The following OXNAD1 variants were observed in gnomAD, a reference collection of about 807,000 sequenced individuals.
OXNAD1 encodes the protein oxidoreductase NAD-binding domain-containing protein 1.
Under a neutral mutation model 32.9 loss-of-function variants are expected in OXNAD1, and 34 were observed. The ratio of observed to expected loss-of-function variants is 1.03; its 90% CI spans 0.79 to 1.38. The LOEUF (loss-of-function observed/expected upper bound fraction) is 1.38, where lower values mean the gene tolerates loss of function less well. Among genes scored for constraint, OXNAD1 ranks in the 40% most tolerant of loss-of-function variants. OXNAD1 has a pLI of 0.00. For synonymous variants in OXNAD1, 134 were observed against 135.2 expected (o/e 0.99, Z 0.06); for missense variants, 407 against 379.4 (o/e 1.07, Z -0.60).
At chr3:16,286,281 C>T (rs914392913) in intron 4 of OXNAD1, 61 bp from the exon 5 acceptor site, 2 of 1,296,434 alleles carry the variant, frequency 1.5e-6, no homozygotes, top group South Asian at 1.2e-5. Context: ...CAGGATGCCA[C>T]CATTTGTCCC....
downstream of OXNAD1, among the ~76,000 whole-genome samples, chr3:16,340,634 T>G (rs2071256535): frequency 6.6e-6 from 1 of 152,250 alleles, no homozygotes; most frequent in Non-Finnish European, 1.5e-5. Context: ...TTAATGGAGA[T>G]GAGTGTTTCT....
Position 16,299,676 on chromosome 3 carries a change from G to C in OXNAD1, c.433-1950G>C, listed in dbSNP as rs2067039575. On this transcript the variant is annotated intron_variant, in intron 6 of 8. Coordinates refer to ENST00000285083, the MANE Select transcript of OXNAD1 (RefSeq NM_138381.5). The surrounding 1 kb of genome is among the most constrained non-coding windows in gnomAD (Gnocchi z 4.4). ...CTACTGCTCACCTGACATGCAAGGT[G>C]CCAAGGTGTGAATGCTAAGGGTTTG... Among the ~76,000 whole-genome samples, 1 of 152,194 alleles carries C rather than the reference G, an allele frequency of 6.6e-6. No individual in the cohort carries two copies. Among genetic ancestry groups the C allele is most frequent in the African/African-American group, 2.4e-5 (1 of 41,446 alleles).
chr3:16,317,127 T>C lies in OXNAD1; in HGVS notation c.*30+13535T>C. 6.2e-7 allele frequency: 1 copy of C among 1,613,842 alleles called. No homozygotes were observed. Among genetic ancestry groups the C allele is most frequent in the Admixed American group, 1.7e-5 (1 of 59,982 alleles). ...GCTTTGGAAGACTGGTCTTCTAAGT[T>C]CTTCTCATTTTCTTCTGCTTGTTGT... On this transcript the variant is annotated intron_variant, in intron 9 of 9. Coordinates refer to the OXNAD1 transcript ENST00000435829. This position sits in a 1 kb window ranked among gnomAD's most constrained non-coding sequence, Gnocchi z 4.3.
At chr3:16,315,335 C>T (rs543642827) in intron 9 of OXNAD1, among the ~76,000 whole-genome samples, 18 of 152,136 alleles carry the variant, frequency 1.2e-4, no homozygotes, top group African/African-American at 3.6e-4. Context: ...AGGCTGGTCT[C>T]GAACTCCTGA....
At position 16,294,846 on chromosome 3, in the gene OXNAD1, T is replaced by G; in HGVS notation, c.291-10T>G. The G allele has an allele frequency of 6.2e-7, 1 of 1,601,884 alleles. No individual in the cohort carries two copies. On this transcript the variant is annotated splice_polypyrimidine_tract_variant and intron_variant, in intron 5 of 8. Coordinates refer to ENST00000285083, the MANE Select transcript of OXNAD1 (RefSeq NM_138381.5). ...TTCAACAATAATCATTTATTTGGCT[T>G]TCTTTTTAGGGTTGATTTCTTTATT...
rs1007579489 is a variant in OXNAD1, at chr3:16,320,357, G to A, written c.*31-16755G>A. ...AGAAGACTAAATATGCCACATCCTC[G>A]GTGTGCCAATCTTGCAGTTTCTTTT... On this transcript the variant is annotated intron_variant, in intron 9 of 9. Transcript: ENST00000435829. The surrounding 1 kb of genome is among the most constrained non-coding windows in gnomAD (Gnocchi z 4.5). Among the ~76,000 whole-genome samples, 1 of 152,148 alleles carries A rather than the reference G, an allele frequency of 6.6e-6. No individual in the cohort carries two copies. The highest frequency in any genetic ancestry group is 1.5e-5 in the Non-Finnish European group (1 of 68,032).
In OXNAD1 at chr3:16,269,286, A is replaced by G. The variant is rs2064766818; in HGVS notation, c.-9+11A>G. ...TCGTGGACTTCTAAGGTAAGTTTCA[A>G]CTTCTTTCTTTCAGGGATTAAGGTA... On this transcript the variant is annotated intron_variant, in intron 2 of 8. Coordinates refer to ENST00000285083, the MANE Select transcript of OXNAD1 (RefSeq NM_138381.5). 5 of 1,534,302 alleles carry G rather than the reference A, an allele frequency of 3.3e-6. No individual in the cohort carries two copies. The highest frequency in any genetic ancestry group is 4.4e-6 in the Non-Finnish European group (5 of 1,145,822).
chr3:16,301,954 C>T lies in OXNAD1; in HGVS notation c.675+86C>T. On this transcript the variant is annotated intron_variant, in intron 7 of 8. Coordinates refer to ENST00000285083, the MANE Select transcript of OXNAD1 (RefSeq NM_138381.5). The surrounding 1 kb of genome is among the most constrained non-coding windows in gnomAD (Gnocchi z 4.1). ...GTTTTTTCTCTAGGTTTTGTTTTCT[C>T]TGCAAAGGTTCAAACAAAAGGCTTG... 1 of 1,504,950 alleles carries T rather than the reference C, an allele frequency of 6.6e-7. No homozygotes were observed. The highest frequency in any genetic ancestry group is 8.9e-7 in the Non-Finnish European group (1 of 1,119,218). The allele number at this position is 1,504,950 out of a possible 1,614,324, so 93.2% of individuals were successfully genotyped here. A position where few individuals can be genotyped will look rare whatever the true frequency, so the allele number is the denominator to read the frequency against.
At chr3:16,343,753 G>A (rs1038961460) in intron 9 of OXNAD1, among the ~76,000 whole-genome samples, 1 of 152,202 alleles carries the variant, frequency 6.6e-6, no homozygotes, top group Non-Finnish European at 1.5e-5. Context: ...AACTAATGTG[G>A]ATCCAGAAAC....
At chr3:16,267,029 C>G (rs900407395) in intron 1 of OXNAD1, among the ~76,000 whole-genome samples, 1 of 152,210 alleles carries the variant, frequency 6.6e-6, no homozygotes, top group South Asian at 2.1e-4. Context: ...TCAGTGACAC[C>G]TAAGATTCTA....
At chr3:16,274,203 A>G (rs900443639) in intron 4 of OXNAD1, among the ~76,000 whole-genome samples, 1 of 150,898 alleles carries the variant, frequency 6.6e-6, no homozygotes, top group African/African-American at 2.4e-5. Flanking sequence ...ATCAACTATG[A>G]TTTCTAAAAT....
rs370820242 is a variant in OXNAD1 at position 16,345,788 on chromosome 3, C to CTGTGTGTGTGTG, written c.*31-3369_*31-3358dup. Among the ~76,000 whole-genome samples the CTGTGTGTGTGTG allele has an allele frequency of 8.0e-3, 1,023 of 127,192 alleles. 7 individuals are homozygous for CTGTGTGTGTGTG. Among genetic ancestry groups the CTGTGTGTGTGTG allele is most frequent in the South Asian group, 0.011 (40 of 3,584 alleles). The allele number at this position is 127,192 out of a possible 152,430, so 83.4% of individuals were successfully genotyped here. ...TGAGCCAAAACCTTATAATAAATCT[C>CTGTGTGTGTGTG]TGTGTGTGTGTGTGTGTGTGTGTGT... On this transcript the variant is annotated intron_variant, in intron 9 of 9. Coordinates refer to the OXNAD1 transcript ENST00000606098. The surrounding 1 kb of genome is among the most constrained non-coding windows in gnomAD (Gnocchi z 5.2).
rs563278760 is a variant in OXNAD1 at position 16,301,684 on chromosome 3, A to C, written c.491A>C (p.Gln164Pro). 3 of 1,613,958 alleles carry C rather than the reference A, an allele frequency of 1.9e-6. No homozygotes were observed. The South Asian group carries it at 3.3e-5, about 18-fold the overall frequency. The change falls in exon 7 of 9, where the codon CAG (glutamine) becomes CCG (proline). Residue 164 changes from glutamine (Q) to proline (P), a missense_variant. Gln to Pro is a moderately conservative substitution (Grantham distance 76). Coordinates refer to ENST00000285083, the MANE Select transcript of OXNAD1 (RefSeq NM_138381.5). The surrounding 1 kb of genome is among the most constrained non-coding windows in gnomAD (Gnocchi z 4.1). ...RVGGEFFFDP[Q>P]PADASRNLVL... ...GGTGGAGAGTTCTTCTTTGACCCTC[A>C]GCCTGCGGATGCCTCTAGAAACCTC...
At position 16,305,720 on chromosome 3, in the gene OXNAD1, C is replaced by T. The variant is rs1300716530; in HGVS notation, c.*2158C>T. ...CTATACTACTTACTAGGTAGATGAC[C>T]TTGAGCAAGTCACTTAACTGCTCTA... On this transcript the variant is annotated 3_prime_UTR_variant, in exon 9 of 9. Coordinates refer to ENST00000285083, the MANE Select transcript of OXNAD1 (RefSeq NM_138381.5). The surrounding 1 kb of genome is among the most constrained non-coding windows in gnomAD (Gnocchi z 4.5). 1.3e-5 allele frequency: 2 copies of T among 152,170 alleles called. No individual in the cohort carries two copies. The highest frequency in any genetic ancestry group is 2.9e-5 in the Non-Finnish European group (2 of 68,040). The allele number at this position is 152,170 out of a possible 1,614,324, so 9.4% of individuals were successfully genotyped here.
At position 16,316,930 on chromosome 3, in the gene OXNAD1, C is replaced by T. The variant is rs1171719408; in HGVS notation, c.*30+13338C>T. On this transcript the variant is annotated intron_variant, in intron 9 of 9. Transcript: ENST00000435829. This position sits in a 1 kb window ranked among gnomAD's most constrained non-coding sequence, Gnocchi z 4.5. ...GCCCAGTGCAAATCCCCACCAGGGC[C>T]CTGCTGTGGCTGGCAGGACCATTCT... is the stretch of plus-strand genomic sequence containing the variant. The T allele has an allele frequency of 1.9e-6, 3 of 1,614,012 alleles. No homozygotes were observed. Among genetic ancestry groups the T allele is most frequent in the Non-Finnish European group, 2.5e-6 (3 of 1,180,024 alleles).
intron 4 of OXNAD1, among the ~76,000 whole-genome samples, chr3:16,285,014 G>T (rs978220941): frequency 1.3e-5 from 2 of 152,212 alleles, no homozygotes; most frequent in Admixed American, 1.3e-4. Context: ...GAGAGAGTAG[G>T]CAGGACTAGG....
At position 16,334,531 on chromosome 3, in the gene OXNAD1, A is replaced by G. The variant is rs2070664485; in HGVS notation, c.*31-2581A>G. 6.6e-6 allele frequency among the ~76,000 whole-genome samples: 1 copy of G among 152,192 alleles called. No individual in the cohort carries two copies. The highest frequency in any genetic ancestry group is 2.4e-5 in the African/African-American group (1 of 41,454). On this transcript the variant is annotated intron_variant, in intron 9 of 9. Transcript: ENST00000435829. The surrounding 1 kb of genome is among the most constrained non-coding windows in gnomAD (Gnocchi z 4.3). Reference sequence around the variant, plus strand: ...CATCAGTGCTGGATTTGTATTTAACATTATGTTTCACCCAGACAACAGCTC... The same window carrying G: ...CATCAGTGCTGGATTTGTATTTAACGTTATGTTTCACCCAGACAACAGCTC...
Position 16,287,888 on chromosome 3 carries a change from A to G in OXNAD1, c.290+1440A>G, listed in dbSNP as rs74975726. 3.1e-4 allele frequency among the ~76,000 whole-genome samples: 47 copies of G among 152,254 alleles called. No individual in the cohort carries two copies. The highest frequency in any genetic ancestry group is 1.1e-3 in the African/African-American group (47 of 41,546). On this transcript the variant is annotated intron_variant, in intron 5 of 8. Transcript: ENST00000285083. This position sits in a 1 kb window ranked among gnomAD's most constrained non-coding sequence, Gnocchi z 4.8. The stretch of plus-strand genomic sequence containing the variant: ...ACCATCCCAATGAATGGATTTGGCC[A>G]TTTCACTGAATTTAGGCCTGGTTTT...
At position 16,271,794 on chromosome 3, in the gene OXNAD1, T is replaced by A; in HGVS notation, c.183+72T>A. 1 of 1,325,958 alleles carries A rather than the reference T, an allele frequency of 7.5e-7. No homozygotes were observed. The highest frequency in any genetic ancestry group is 1.3e-5 in the South Asian group (1 of 75,190). The allele number at this position is 1,325,958 out of a possible 1,614,324, so 82.1% of individuals were successfully genotyped here. On this transcript the variant is annotated intron_variant, in intron 4 of 8. Coordinates refer to ENST00000285083, the MANE Select transcript of OXNAD1 (RefSeq NM_138381.5). This position sits in a 1 kb window ranked among gnomAD's most constrained non-coding sequence, Gnocchi z 4.6. ...CATGTGGTTATGACTGGCTTATGGG[T>A]AAAGCATTAGATGAGTCTGGTCCTT...
Sources: allele counts gnomAD v4.1 joint callset (sites outside exome capture counted in the v4.1 genomes callset), GRCh38; gene constraint gnomAD v4.1.1; non-coding constraint Gnocchi (gnomAD v3.1); transcripts MANE v1.5; gene names NCBI Gene and HGNC (gene_info 2026-07-23, HGNC 2026-07-21).